Variants in NGLY1 observed in about 807,000 individuals in gnomAD.
NGLY1 encodes N-glycanase 1, also known as peptide-N(4)-(N-acetyl-beta-glucosaminyl)asparagine amidase.
In NGLY1, 68 loss-of-function variants were observed where a neutral mutation model predicts 84.6. That is an observed-to-expected ratio of 0.80 (90% confidence interval 0.66 to 0.98). The LOEUF is 0.98. Ranked by LOEUF, NGLY1 falls within the 50% of genes least tolerant of loss-of-function variation. The pLI, the probability that NGLY1 is intolerant of heterozygous loss-of-function variation, is 0.00. For synonymous variants in NGLY1, 280 were observed against 275.2 expected, an observed-to-expected ratio of 1.02 and a Z score of -0.17; for missense variants, 779 against 770.2, an observed-to-expected ratio of 1.01 and a Z score of -0.14.
intron 3 of NGLY1, among the ~76,000 whole-genome samples, chr3:25,756,076 T>C (rs1334872284): frequency 1.3e-5 from 2 of 152,220 alleles, no homozygotes; most frequent in Non-Finnish European, 2.9e-5. Context: ...TTGTTGTCAC[T>C]AGCTTTTTTA....
chr3:25,779,083 G>A (rs1054051842), intron 1 of NGLY1, among the ~76,000 whole-genome samples: 3 of 151,644 alleles, frequency 2.0e-5, no homozygotes, highest in East Asian at 1.9e-4. Context: ...TTACAGGGGT[G>A]CACCACCACT....
upstream of NGLY1, among the ~76,000 whole-genome samples, chr3:25,785,844 CTT>C (rs969076134): frequency 1.3e-5 from 2 of 152,158 alleles, no homozygotes; most frequent in Non-Finnish European, 2.9e-5. Context: ...AACAAAATGA[CTT>C]TTGTTTTTCT....
At chr3:25,775,600 G>C (rs372216711) in intron 2 of NGLY1, among the ~76,000 whole-genome samples, 1 of 152,062 alleles carries the variant, frequency 6.6e-6, no homozygotes, top group South Asian at 2.1e-4. Context: ...TGATCCCATA[G>C]AAGAAAAGAG....
intron 6 of NGLY1, chr3:25,736,570 G>T: frequency 2.1e-6 from 1 of 468,380 alleles, no homozygotes; most frequent in Non-Finnish European, 3.8e-6. Flanking sequence ...CTTTATATTT[G>T]ATTTTAAGAG....
chr3:25,752,918 A>G (rs925748321), intron 3 of NGLY1, among the ~76,000 whole-genome samples: 1 of 152,088 alleles, frequency 6.6e-6, no homozygotes, highest in Non-Finnish European at 1.5e-5. Context: ...TTAATAACCA[A>G]AGGCATTTTC....
At chr3:25,760,044 T>C (rs1707233198) in intron 3 of NGLY1, among the ~76,000 whole-genome samples, 1 of 152,160 alleles carries the variant, frequency 6.6e-6, no homozygotes, top group Admixed American at 6.5e-5. Flanking sequence ...CATAAAAGTT[T>C]TGTTATTTTA....
At chr3:25,758,233 G>C (rs1344496678) in intron 3 of NGLY1, among the ~76,000 whole-genome samples, 4 of 152,070 alleles carry the variant, frequency 2.6e-5, no homozygotes, top group Non-Finnish European at 5.9e-5. Context: ...AAATTATCAA[G>C]ACTATTTTAA....
intron 2 of NGLY1, among the ~76,000 whole-genome samples, chr3:25,773,173 A>T (rs1559557085): frequency 6.6e-6 from 1 of 152,150 alleles, no homozygotes; most frequent in Non-Finnish European, 1.5e-5. Flanking sequence ...GGATATGTAG[A>T]TCTCTAGGAA....
exon 1 of NGLY1, chr3:25,789,971 A>G (rs959186431): frequency 7.2e-7 from 1 of 1,390,298 alleles, no homozygotes. Flanking sequence ...GTCTGACCTC[A>G]GCCAAGGTGA....
chr3:25,723,523 T>G (rs73820576), intron 10 of NGLY1, among the ~76,000 whole-genome samples: 3,273 of 152,200 alleles, frequency 0.022, 121 homozygotes, highest in African/African-American at 0.075. Flanking sequence ...TATACTCAGT[T>G]TAGTAAATTA....
intron 4 of NGLY1, among the ~76,000 whole-genome samples, chr3:25,740,760 C>G (rs1706097356): frequency 6.6e-6 from 1 of 151,988 alleles, no homozygotes; most frequent in Non-Finnish European, 1.5e-5. Flanking sequence ...ATTTCTAAAG[C>G]TGATAACCTT....
intron 1 of NGLY1, among the ~76,000 whole-genome samples, chr3:25,779,927 T>C (rs2125324645): frequency 6.6e-6 from 1 of 152,348 alleles, no homozygotes; most frequent in African/African-American, 2.4e-5. Flanking sequence ...AATTATTTGT[T>C]ACCCATACAC....
At chr3:25,740,003 C>G (rs1706048050) in intron 4 of NGLY1, among the ~76,000 whole-genome samples, 1 of 152,166 alleles carries the variant, frequency 6.6e-6, no homozygotes, top group African/African-American at 2.4e-5. Flanking sequence ...ACATTAAAAA[C>G]AGTAGAACAT....
upstream of NGLY1, among the ~76,000 whole-genome samples, chr3:25,787,988 T>G (rs1330191656): frequency 6.6e-6 from 1 of 152,256 alleles, no homozygotes; most frequent in Middle Eastern, 3.2e-3. Context: ...AAGCCTTTTC[T>G]GACTTTACGA....
chr3:25,734,709 C>T lies in NGLY1; in HGVS notation c.1150-727G>A, dbSNP rs913738042. 1.8e-5 allele frequency: 15 copies of T among 824,868 alleles called. No homozygotes were observed. In the South Asian group the frequency reaches 3.9e-4, roughly 21 times the overall value. 51.1% of individuals were successfully genotyped at this position (824,868 alleles called of 1,614,324 possible). On this transcript the variant is annotated intron_variant, in intron 7 of 11. Coordinates refer to ENST00000280700, the MANE Select transcript of NGLY1 (RefSeq NM_018297.4). ...CCTGGGCAAGAGGGTGAGACTGTCT[C>T]GAAAAATTAAAATAAAATAAAATAA...
Position 25,732,335 on chromosome 3 carries a change from C to T in NGLY1, c.1409G>A (p.Gly470Asp), listed in dbSNP as rs759978728. 10 of 1,613,412 alleles carry T rather than the reference C, an allele frequency of 6.2e-6. No individual in the cohort carries two copies. The Admixed American group carries it at 1.5e-4, about 24-fold the overall frequency. The change falls in exon 9 of 12, where the codon GGT (glycine) becomes GAT (aspartate). Residue 470 changes from glycine (G) to aspartate (D), a missense_variant. Coordinates refer to ENST00000280700, the MANE Select transcript of NGLY1 (RefSeq NM_018297.4). ...ATTAAATACCTGTAGACCCATTTCA[C>T]CTCGGGCTACTCTCCAAGCCACTGA... is the stretch of plus-strand genomic sequence containing the variant. Reference protein sequence around the residue: ...SGSVAWRVARGEMGLQRKETL... With the variant: ...SGSVAWRVARDEMGLQRKETL...
At chr3:25,751,621 G>A (rs186582217) in intron 3 of NGLY1, among the ~76,000 whole-genome samples, 9 of 152,324 alleles carry the variant, frequency 5.9e-5, no homozygotes, top group Admixed American at 2.0e-4. Flanking sequence ...CAAAAGAGGT[G>A]TGCTCTTAAA....
chr3:25,741,861 C>T (rs760574997), intron 4 of NGLY1, among the ~76,000 whole-genome samples: 2 of 151,728 alleles, frequency 1.3e-5, no homozygotes, highest in Non-Finnish European at 2.9e-5. Context: ...ATTAGCCGGG[C>T]GTGGTGGCAG....
At chr3:25,739,524 T>C (rs960973368) in intron 5 of NGLY1, 53 bp downstream of exon 5, 1 of 1,530,922 alleles carries the variant, frequency 6.5e-7, no homozygotes, top group African/African-American at 1.4e-5. Context: ...AAAAACTCTC[T>C]TCTAACTATT....
Sources: allele counts gnomAD v4.1 joint callset (sites outside exome capture counted in the v4.1 genomes callset), GRCh38; gene constraint gnomAD v4.1.1; transcripts MANE v1.5; gene names NCBI Gene and HGNC (gene_info 2026-07-23, HGNC 2026-07-21).